BMPER: variants seen among roughly 807,000 people sequenced by gnomAD.
BMPER encodes the protein BMP binding endothelial regulator, also known as BMP-binding endothelial regulator protein.
In BMPER, 45 loss-of-function variants were observed where a neutral mutation model predicts 87.3. The observed-to-expected ratio is 0.52, with a 90% CI of 0.41 to 0.66. The LOEUF (loss-of-function observed/expected upper bound fraction) is 0.66, where lower values mean the gene tolerates loss of function less well. Ranked by LOEUF, BMPER falls within the 30% of genes least tolerant of loss-of-function variation. The probability of loss-of-function intolerance (pLI) is 0.00; values close to 1 mark genes in which losing one functional copy is unlikely to be tolerated. For missense variants in BMPER, 784 were observed against 867.5 expected, an observed-to-expected ratio of 0.90 and a Z score of 1.21; for synonymous variants, 326 against 316.2, an observed-to-expected ratio of 1.03 and a Z score of -0.33.
chr7:33,954,474 A>C (rs1785102337), intron 3 of BMPER, among the ~76,000 whole-genome samples: 2 of 152,192 alleles, frequency 1.3e-5, no homozygotes, highest in South Asian at 4.1e-4. Context: ...AGGAATGACC[A>C]CGGTGGAAGT....
intron 3 of BMPER, among the ~76,000 whole-genome samples, chr7:33,946,858 T>C (rs1229341232): frequency 6.6e-6 from 1 of 152,234 alleles, no homozygotes; most frequent in Non-Finnish European, 1.5e-5. Context: ...TTTCTTTAAT[T>C]GCATTGCTCA....
intron 13 of BMPER, among the ~76,000 whole-genome samples, chr7:34,137,837 G>A (rs1197886854): frequency 6.6e-6 from 1 of 152,194 alleles, no homozygotes; most frequent in African/African-American, 2.4e-5. Context: ...AGTCTAGGCT[G>A]CTAGGAACCT....
At chr7:34,133,707 C>G (rs1409383400) in intron 13 of BMPER, among the ~76,000 whole-genome samples, 1 of 152,022 alleles carries the variant, frequency 6.6e-6, no homozygotes, top group Non-Finnish European at 1.5e-5. Flanking sequence ...GGGACCTTTG[C>G]TGTGGGATCT....
intron 13 of BMPER, among the ~76,000 whole-genome samples, chr7:34,133,233 C>G (rs1583468966): frequency 6.6e-6 from 1 of 152,230 alleles, no homozygotes; most frequent in East Asian, 1.9e-4. Flanking sequence ...CAGCCTCTCC[C>G]TCTAGCCTCC....
At chr7:33,944,331 A>G (rs1012480117) in intron 3 of BMPER, among the ~76,000 whole-genome samples, 1 of 151,662 alleles carries the variant, frequency 6.6e-6, no homozygotes, top group Non-Finnish European at 1.5e-5. Flanking sequence ...ATGCCCGGCA[A>G]TTTTTTTGTA....
intron 2 of BMPER, among the ~76,000 whole-genome samples, chr7:33,908,559 T>G (rs4236339): frequency 0.66 from 99,601 of 152,024 alleles, 32,804 homozygotes; most frequent in Middle Eastern, 0.82. Context: ...AAGGTAAAGA[T>G]TACATCTGAA....
chr7:34,072,938 A>C (rs950382115), intron 11 of BMPER, among the ~76,000 whole-genome samples: 2 of 152,210 alleles, frequency 1.3e-5, no homozygotes, highest in Non-Finnish European at 2.9e-5. Context: ...TAGTTCCCCC[A>C]TAATGTTCCT....
intron 8 of BMPER, among the ~76,000 whole-genome samples, chr7:34,053,468 A>G (rs1458669500): frequency 6.6e-6 from 1 of 152,174 alleles, no homozygotes; most frequent in Non-Finnish European, 1.5e-5. Flanking sequence ...TTGAAAATCC[A>G]TGTCTAATTT....
chr7:34,113,404 G>A (rs2127986874), intron 13 of BMPER, among the ~76,000 whole-genome samples: 1 of 151,946 alleles, frequency 6.6e-6, no homozygotes, highest in Non-Finnish European at 1.5e-5. Flanking sequence ...CTTATATGGG[G>A]CTGACTTGCC....
At chr7:34,018,354 C>T (rs1449008600) in intron 6 of BMPER, among the ~76,000 whole-genome samples, 2 of 151,896 alleles carry the variant, frequency 1.3e-5, no homozygotes, top group Non-Finnish European at 2.9e-5. Flanking sequence ...GAAGTTGCCC[C>T]TTTAGCACAT....
chr7:34,040,264 A>G (rs1787799791), intron 6 of BMPER, among the ~76,000 whole-genome samples: 1 of 152,182 alleles, frequency 6.6e-6, no homozygotes, highest in South Asian at 2.1e-4. Flanking sequence ...TGGGGACAGG[A>G]GGCCAAGGGA....
In BMPER at chr7:34,054,928, C is replaced by G. The variant is rs17823568; in HGVS notation, c.787-235C>G. Among the ~76,000 whole-genome samples the G allele has an allele frequency of 0.17, 25,687 of 152,082 alleles. 2,645 individuals carry two copies. The highest frequency in any genetic ancestry group is 0.25 in the Middle Eastern group (74 of 294). ...TCTCTGGAACGTGAAATCATAAATCCTTGGGAGGTAGGGGTTACGTGCCAT... is the reference window on the plus strand; with the variant it reads ...TCTCTGGAACGTGAAATCATAAATCGTTGGGAGGTAGGGGTTACGTGCCAT... On this transcript the variant is annotated intron_variant, in intron 8 of 14. Coordinates refer to ENST00000649409, the MANE Select transcript of BMPER (RefSeq NM_001365308.1).
At chr7:33,917,862 A>G (rs1279403081) in intron 2 of BMPER, among the ~76,000 whole-genome samples, 1 of 152,184 alleles carries the variant, frequency 6.6e-6, no homozygotes, top group African/African-American at 2.4e-5. Context: ...CTCTGGTGGC[A>G]CTACTGGCCT....
intron 13 of BMPER, among the ~76,000 whole-genome samples, chr7:34,100,331 G>A (rs1789647038): frequency 6.6e-6 from 1 of 152,206 alleles, no homozygotes; most frequent in Non-Finnish European, 1.5e-5. Context: ...TGTGTGGGGA[G>A]GGGAAAAGCA....
intron 6 of BMPER, among the ~76,000 whole-genome samples, chr7:33,989,438 C>G (rs1445380356): frequency 6.6e-6 from 1 of 152,016 alleles, no homozygotes; most frequent in Admixed American, 6.6e-5. Flanking sequence ...CTGTTCATGT[C>G]CTTCGCCCAC....
chr7:33,990,664 T>C (rs1786183499), intron 6 of BMPER, among the ~76,000 whole-genome samples: 2 of 149,606 alleles, frequency 1.3e-5, no homozygotes, highest in Admixed American at 6.7e-5. Flanking sequence ...TGAATAGGAG[T>C]GGTGAGAGAG....
chr7:34,033,835 G>T (rs1448223951), intron 6 of BMPER, among the ~76,000 whole-genome samples: 24 of 152,116 alleles, frequency 1.6e-4, no homozygotes, highest in Non-Finnish European at 1.9e-4. Flanking sequence ...CAATATTTAG[G>T]GTACTTCTGG....
chr7:33,976,004 T>C (rs1195964594), intron 6 of BMPER, among the ~76,000 whole-genome samples: 1 of 151,898 alleles, frequency 6.6e-6, no homozygotes, highest in African/African-American at 2.4e-5. Context: ...ATATAAAACA[T>C]ATGTAATATA....
At position 34,154,825 on chromosome 7, in the gene BMPER, G is replaced by T. The variant is rs1198190170; in HGVS notation, c.*1552G>T. On this transcript the variant is annotated 3_prime_UTR_variant, in exon 15 of 15. Transcript: ENST00000649409. ...AGGGCGTAATAGTGACTGGCTGGGGGCACTGGGCCTTTGTGTTTTTTTTCA... is the reference window on the plus strand; with the variant it reads ...AGGGCGTAATAGTGACTGGCTGGGGTCACTGGGCCTTTGTGTTTTTTTTCA... 6.6e-6 allele frequency: 1 copy of T among 151,824 alleles called. No individual in the cohort carries two copies. Among genetic ancestry groups the T allele is most frequent in the African/African-American group, 2.4e-5 (1 of 41,308 alleles). The allele number at this position is 151,824 out of a possible 1,614,324, so 9.4% of individuals were successfully genotyped here. A position where few individuals can be genotyped will look rare whatever the true frequency, so the allele number is the denominator to read the frequency against.
Sources: gnomAD v4.1 joint callset for allele counts (sites outside exome capture counted in the v4.1 genomes callset) on GRCh38, gnomAD v4.1.1 for gene constraint, MANE v1.5 for transcripts, NCBI Gene and HGNC (gene_info 2026-07-23, HGNC 2026-07-21) for gene names.